DNAH9: variants seen among roughly 807,000 people sequenced by gnomAD.
The protein encoded by DNAH9 is dynein axonemal heavy chain 9, also known as DNAH9 variant protein.
In DNAH9, 345 loss-of-function variants were observed where a neutral mutation model predicts 471.6. That is an observed-to-expected ratio of 0.73 (90% CI 0.67 to 0.80). The LOEUF (loss-of-function observed/expected upper bound fraction) is 0.80, where lower values mean the gene tolerates loss of function less well. DNAH9 is among the 30% of genes least tolerant of loss of function. DNAH9 has a pLI of 0.00. For synonymous variants in DNAH9, 2,093 were observed against 2,123.6 expected (o/e 0.99, Z 0.40); for missense variants, 5,407 against 5,609.2 (o/e 0.96, Z 1.15).
At chr17:11,865,933 C>A (rs1972035927) in intron 50 of DNAH9, among the ~76,000 whole-genome samples, 1 of 152,140 alleles carries the variant, frequency 6.6e-6, no homozygotes, top group African/African-American at 2.4e-5. Flanking sequence ...AAATTTGTTT[C>A]AAAGTTTTTA....
chr17:11,681,993 A>T lies in DNAH9; in HGVS notation c.3743+1104A>T, dbSNP rs1235992667. Among the ~76,000 whole-genome samples, 11 of 152,248 alleles carry T rather than the reference A, an allele frequency of 7.2e-5. No individual in the cohort carries two copies. In the South Asian group the frequency reaches 2.3e-3, roughly 32 times the overall value. ...TATAGTTGTGGGTTGAATTAAAGAGATCATTCTTGAAAGTGTGTAGCACTG... is the reference window on the plus strand; with the variant it reads ...TATAGTTGTGGGTTGAATTAAAGAGTTCATTCTTGAAAGTGTGTAGCACTG... On this transcript the variant is annotated intron_variant, in intron 19 of 68. Coordinates refer to ENST00000262442, the MANE Select transcript of DNAH9 (RefSeq NM_001372.4).
chr17:11,660,352 T>A (rs1432335959), intron 14 of DNAH9, among the ~76,000 whole-genome samples: 1 of 149,144 alleles, frequency 6.7e-6, no homozygotes. Context: ...AGACAGAGTC[T>A]TGCTCTGTCC....
At chr17:11,768,688 C>T in intron 37 of DNAH9, 62 bp downstream of exon 37, 1 of 1,565,720 alleles carries the variant, frequency 6.4e-7, no homozygotes, top group African/African-American at 1.4e-5. Flanking sequence ...TGCAGTGGCT[C>T]CAGTAGCAGC....
chr17:11,806,318 A>G (rs113249124), intron 43 of DNAH9, among the ~76,000 whole-genome samples: 163 of 152,314 alleles, frequency 1.1e-3, no homozygotes, highest in Non-Finnish European at 1.8e-3. Context: ...TTTTACTTCT[A>G]GAACTTATCC....
At chr17:11,683,594 G>A (rs779174286) in intron 19 of DNAH9, among the ~76,000 whole-genome samples, 1 of 152,234 alleles carries the variant, frequency 6.6e-6, no homozygotes, top group Non-Finnish European at 1.5e-5. Context: ...TTTTGTGTCT[G>A]TTCGAAATTC....
At chr17:11,795,037 AT>A (rs1159668142) in intron 42 of DNAH9, among the ~76,000 whole-genome samples, 2 of 151,196 alleles carry the variant, frequency 1.3e-5, no homozygotes, top group Admixed American at 1.3e-4. Context: ...ACAAACCTGC[AT>A]GTTGTGCACA....
At chr17:11,680,023 A>G in intron 18 of DNAH9, 44 bp downstream of exon 18, 4 of 1,506,838 alleles carry the variant, frequency 2.7e-6, no homozygotes, top group Non-Finnish European at 3.7e-6. Context: ...TAGAGGAAAC[A>G]TTTTAGGATT....
chr17:11,668,895 A>G (rs776748145), intron 15 of DNAH9, among the ~76,000 whole-genome samples, 169 bp from the exon 16 acceptor site: 2 of 152,060 alleles, frequency 1.3e-5, no homozygotes, highest in African/African-American at 2.4e-5. Flanking sequence ...CTGCAAGACT[A>G]TCACCCTCAC....
At chr17:11,762,765 T>TTTTTTTTTG (rs1555584599) in intron 35 of DNAH9, among the ~76,000 whole-genome samples, 19 of 94,646 alleles carry the variant, frequency 2.0e-4, no homozygotes, top group East Asian at 1.3e-3. Context: ...TGCGTTTTTT[T>TTTTTTTTTG]TTTTGTTTTT....
chr17:11,964,513 A>G (rs371496632), intron 68 of DNAH9, among the ~76,000 whole-genome samples: 4 of 152,202 alleles, frequency 2.6e-5, no homozygotes, highest in African/African-American at 9.6e-5. Flanking sequence ...TCCCAGAAAG[A>G]TGTCGGCAAA....
chr17:11,656,618 G>A (rs144459327), intron 14 of DNAH9, among the ~76,000 whole-genome samples: 410 of 152,234 alleles, frequency 2.7e-3, no homozygotes, highest in African/African-American at 9.2e-3. Flanking sequence ...TATACATGCA[G>A]TACAACGTAC....
intron 56 of DNAH9, among the ~76,000 whole-genome samples, chr17:11,884,744 T>C (rs1483695684): frequency 6.6e-6 from 1 of 152,078 alleles, no homozygotes; most frequent in African/African-American, 2.4e-5. Context: ...GGTTCCACTA[T>C]CAGTTACCTA....
At chr17:11,789,317 A>C (rs2150904488) in intron 41 of DNAH9, among the ~76,000 whole-genome samples, 1 of 152,086 alleles carries the variant, frequency 6.6e-6, no homozygotes, top group African/African-American at 2.4e-5. Context: ...TACTGGTGAA[A>C]CCACCTGGAG....
chr17:11,602,317 A>G (rs2072403470), intron 1 of DNAH9, among the ~76,000 whole-genome samples: 1 of 152,212 alleles, frequency 6.6e-6, no homozygotes, highest in Non-Finnish European at 1.5e-5. Flanking sequence ...CAGGTGTTCC[A>G]TAAAGGATGA....
Position 11,769,143 on chromosome 17 carries a change from G to A in DNAH9, c.7366G>A (p.Glu2456Lys). The change falls in exon 38 of 69, where the codon GAG becomes AAG. Residue 2456 changes from glutamate to lysine, a missense_variant. Around this residue, in one of 3 missense-constraint regions of DNAH9, gnomAD observed 4,636 missense variants for 4,900.3 expected, o/e 0.95. Coordinates refer to ENST00000262442, the MANE Select transcript of DNAH9 (RefSeq NM_001372.4). ...PLQACLVHTS[E>K]TIRVCYFMER... ...CCAGGCGTGTTTGGTGCACACGAGT[G>A]AGACCATCCGTGTGTGCTACTTCAT... is the stretch of plus-strand genomic sequence containing the variant. 6.2e-7 allele frequency: 1 copy of A among 1,614,230 alleles called. No individual in the cohort carries two copies. Among genetic ancestry groups the A allele is most frequent in the Non-Finnish European group, 8.5e-7 (1 of 1,180,038 alleles).
At chr17:11,806,177 C>T (rs1005824773) in intron 43 of DNAH9, among the ~76,000 whole-genome samples, 5 of 152,098 alleles carry the variant, frequency 3.3e-5, no homozygotes, top group South Asian at 2.1e-4. Flanking sequence ...TCAACTAACA[C>T]ATCCAGTATA....
At chr17:11,648,182 G>A (rs1485252065) in intron 12 of DNAH9, among the ~76,000 whole-genome samples, 1 of 152,218 alleles carries the variant, frequency 6.6e-6, no homozygotes, top group Non-Finnish European at 1.5e-5. Context: ...CCTTGATGGC[G>A]TATGCTCCAG....
At chr17:11,958,349 A>G (rs888309674) in intron 67 of DNAH9, among the ~76,000 whole-genome samples, 1 of 152,222 alleles carries the variant, frequency 6.6e-6, no homozygotes, top group African/African-American at 2.4e-5. Context: ...GATACTTGTC[A>G]TATACTATAA....
At chr17:11,602,375 G>C (rs1488829676) in intron 1 of DNAH9, among the ~76,000 whole-genome samples, 1 of 152,140 alleles carries the variant, frequency 6.6e-6, no homozygotes, top group Non-Finnish European at 1.5e-5. Flanking sequence ...TCACCCATCT[G>C]ATGGATCCTT....
Sources: gnomAD v4.1 joint callset for allele counts (sites outside exome capture counted in the v4.1 genomes callset) on GRCh38, gnomAD v4.1.1 for gene constraint, gnomAD v4.1.1 regional missense constraint, MANE v1.5 for transcripts, NCBI Gene and HGNC (gene_info 2026-07-23, HGNC 2026-07-21) for gene names.